Variants in ANKS4B observed in about 807,000 individuals in gnomAD.
ANKS4B encodes the protein ankyrin repeat and SAM domain-containing protein 4B.
A neutral mutation model predicts 20.2 loss-of-function variants in ANKS4B; 21 were observed. The ratio of observed to expected loss-of-function variants is 1.04; its 90% CI spans 0.74 to 1.50. The LOEUF (loss-of-function observed/expected upper bound fraction) is 1.50. Ranked by LOEUF, ANKS4B falls within the 40% of genes most tolerant of loss-of-function variation. ANKS4B has a pLI of 0.00. For missense variants in ANKS4B, 473 were observed against 494.6 expected (o/e 0.96, Z 0.41); for synonymous variants, 179 against 194.5 (o/e 0.92, Z 0.66).
intron 1 of ANKS4B, among the ~76,000 whole-genome samples, chr16:21,248,057 A>C (rs1317706270): frequency 6.6e-6 from 1 of 152,102 alleles, no homozygotes. Flanking sequence ...TGGTTCAGTT[A>C]TTTATTTCCC....
chr16:21,239,208 C>T (rs1486860091), intron 1 of ANKS4B, among the ~76,000 whole-genome samples: 1 of 152,052 alleles, frequency 6.6e-6, no homozygotes, highest in African/African-American at 2.4e-5. Flanking sequence ...ACAATTGCTC[C>T]AAGAGCTAAA....
Position 21,233,817 on chromosome 16 carries a change from T to C in ANKS4B, c.80T>C (p.Leu27Pro), listed in dbSNP as rs755295917. 6.2e-7 allele frequency: 1 copy of C among 1,614,010 alleles called. No individual in the cohort carries two copies. The highest frequency in any genetic ancestry group is 2.2e-5 in the East Asian group (1 of 44,886). Residue 27 changes from leucine (L) to proline (P), a missense_variant, in exon 1 of 2, where the codon CTT (leucine) becomes CCT (proline). Transcript: ENST00000311620. ...GAGGCTACCAAGCGAGATCTAAATC[T>C]TTCGGATGAAGACGGCATGACTCCT... ...LKEATKRDLN[L>P]SDEDGMTPTL...
At chr16:21,247,984 A>G (rs2093334340) in intron 1 of ANKS4B, among the ~76,000 whole-genome samples, 1 of 152,172 alleles carries the variant, frequency 6.6e-6, no homozygotes, top group Non-Finnish European at 1.5e-5. Context: ...TTTGTAACAG[A>G]CACTGTTTGC....
At chr16:21,247,719 C>T (rs2093334124) in intron 1 of ANKS4B, among the ~76,000 whole-genome samples, 1 of 152,192 alleles carries the variant, frequency 6.6e-6, no homozygotes, top group Non-Finnish European at 1.5e-5. Flanking sequence ...CTGTTTGTAA[C>T]TCAAGTCCTT....
rs370264980 is a variant in ANKS4B, at chr16:21,236,409, A to G, written c.164+2508A>G. ...CAGATCCAAACTGTATCAACCAGTG[A>G]GTTTGTCCTCCTAGAAGAGGGTTTG... On this transcript the variant is annotated intron_variant, in intron 1 of 1. Coordinates refer to ENST00000311620, the MANE Select transcript of ANKS4B (RefSeq NM_145865.3). Among the ~76,000 whole-genome samples, 23 of 152,238 alleles carry G rather than the reference A, an allele frequency of 1.5e-4. No homozygotes were observed. The East Asian group carries it at 3.3e-3, about 22-fold the overall frequency.
rs1378000458 is a variant in ANKS4B, at chr16:21,253,044, GAAAAA to G, written c.*2226_*2230del. The G allele has an allele frequency of 1.5e-5, 2 of 131,204 alleles. No individual in the cohort carries two copies. Among genetic ancestry groups the G allele is most frequent in the African/African-American group, 2.8e-5 (1 of 35,912 alleles). 8.1% of individuals were successfully genotyped at this position (131,204 alleles called of 1,614,324 possible). On this transcript the variant is annotated 3_prime_UTR_variant, in exon 2 of 2. Coordinates refer to ENST00000311620, the MANE Select transcript of ANKS4B (RefSeq NM_145865.3). ...TCTCAAAAAAAAAAAAAAAAAAAAA[GAAAAA>G]AGAAACTGACAACACTGCTGCTGAC...
At position 21,251,002 on chromosome 16, in the gene ANKS4B, T is replaced by C. The variant is rs1196004445; in HGVS notation, c.*182T>C. On this transcript the variant is annotated 3_prime_UTR_variant, in exon 2 of 2. Transcript: ENST00000311620. ...GGTAGGCTATGCCCATCCAAATAAA[T>C]CTCCATGAGAAACTTGAGGAGACTT... 3 of 719,286 alleles carry C rather than the reference T, an allele frequency of 4.2e-6. No individual in the cohort carries two copies. In the South Asian group the frequency reaches 1.2e-4, roughly 28 times the overall value. 44.6% of individuals were successfully genotyped at this position (719,286 alleles called of 1,614,324 possible).
intron 1 of ANKS4B, among the ~76,000 whole-genome samples, chr16:21,237,550 A>G (rs991545734): frequency 1.3e-5 from 2 of 151,382 alleles, no homozygotes; most frequent in Non-Finnish European, 2.9e-5. Context: ...TTGTTGTTGC[A>G]TCCTATGGCT....
In ANKS4B at chr16:21,250,172, A is replaced by C; in HGVS notation, c.606A>C (p.Lys202Asn). The part of the protein sequence containing the change: ...GTFGSLSKGI[K>N]DTFKIKFKKN... The stretch of plus-strand genomic sequence containing the variant: ...TCGGGTCACTATCTAAGGGCATTAA[A>C]GACACTTTCAAGATCAAGTTCAAGA... The change falls in exon 2 of 2, where the codon AAA (lysine) becomes AAC (asparagine). Residue 202 changes from lysine to asparagine, a missense_variant. Transcript: ENST00000311620. 6.2e-7 allele frequency: 1 copy of C among 1,614,208 alleles called. No homozygotes were observed. Among genetic ancestry groups the C allele is most frequent in the South Asian group, 1.1e-5 (1 of 91,084 alleles).
chr16:21,236,378 A>G (rs543174863), intron 1 of ANKS4B, among the ~76,000 whole-genome samples: 2 of 152,212 alleles, frequency 1.3e-5, no homozygotes, highest in East Asian at 3.9e-4. Context: ...TCCCCACCAA[A>G]TCTCACAGAT....
At chr16:21,243,918 T>C (rs2093329349) in intron 1 of ANKS4B, 1 of 152,080 alleles carries the variant, frequency 6.6e-6, no homozygotes, top group Non-Finnish European at 1.5e-5. Flanking sequence ...GGAAAACCCA[T>C]GAATTGTCTT....
chr16:21,242,067 T>C (rs2093327187), intron 1 of ANKS4B, among the ~76,000 whole-genome samples: 1 of 152,206 alleles, frequency 6.6e-6, no homozygotes. Context: ...AAAAAAACTA[T>C]AGTCATCATG....
At position 21,237,698 on chromosome 16, in the gene ANKS4B, A is replaced by G. The variant is rs1490591742; in HGVS notation, c.164+3797A>G. On this transcript the variant is annotated intron_variant, in intron 1 of 1. Coordinates refer to ENST00000311620, the MANE Select transcript of ANKS4B (RefSeq NM_145865.3). ...ATGACTCAATCGTCTCCTAAAGGCC[A>G]CACTGCTTAACGCTGTTACATTGAC... Among the ~76,000 whole-genome samples the G allele has an allele frequency of 4.6e-5, 7 of 152,176 alleles. No individual in the cohort carries two copies. The East Asian group carries it at 1.3e-3, about 29-fold the overall frequency.
chr16:21,236,571 T>C (rs1288027681), intron 1 of ANKS4B, among the ~76,000 whole-genome samples: 1 of 152,144 alleles, frequency 6.6e-6, no homozygotes, highest in African/African-American at 2.4e-5. Context: ...TCTGCTGGTC[T>C]TTATTTATTT....
rs2093331218 is a variant in ANKS4B, at chr16:21,245,508, T to G, written c.165-4223T>G. Among the ~76,000 whole-genome samples the G allele has an allele frequency of 2.0e-5, 3 of 152,010 alleles. No individual in the cohort carries two copies. The South Asian group carries it at 6.2e-4, about 32-fold the overall frequency. Reference sequence around the variant, plus strand: ...TATTTTTTTGAGACAGAGTCTCACTTTGTCACCCAGGCTGGAGTGCGGCGG... The same window carrying G: ...TATTTTTTTGAGACAGAGTCTCACTGTGTCACCCAGGCTGGAGTGCGGCGG... On this transcript the variant is annotated intron_variant, in intron 1 of 1. Transcript: ENST00000311620.
intron 1 of ANKS4B, among the ~76,000 whole-genome samples, chr16:21,247,742 G>C (rs1274497064): frequency 6.6e-6 from 1 of 152,174 alleles, no homozygotes; most frequent in Non-Finnish European, 1.5e-5. Flanking sequence ...AGGAGAGGAG[G>C]GTTTGCTGCC....
Position 21,250,680 on chromosome 16 carries a change from G to A in ANKS4B, c.1114G>A (p.Glu372Lys). 1 of 1,613,716 alleles carries A rather than the reference G, an allele frequency of 6.2e-7. No homozygotes were observed. The highest frequency in any genetic ancestry group is 8.5e-7 in the Non-Finnish European group (1 of 1,179,592). ...PIFKREQIDL[E>K]ALLLCSDEDL... ...CTTCAAGAGAGAGCAGATTGATCTA[G>A]AAGCTCTGCTGCTCTGCTCTGATGA... Residue 372 changes from glutamate (E) to lysine (K), a missense_variant, in exon 2 of 2, where the codon GAA becomes AAA. Coordinates refer to ENST00000311620, the MANE Select transcript of ANKS4B (RefSeq NM_145865.3).
In ANKS4B at chr16:21,251,212, C is replaced by T. The variant is rs1181263886; in HGVS notation, c.*392C>T. The T allele has an allele frequency of 6.0e-6, 1 of 165,872 alleles. No individual in the cohort carries two copies. The highest frequency in any genetic ancestry group is 1.3e-5 in the Non-Finnish European group (1 of 75,184). 10.3% of individuals were successfully genotyped at this position (165,872 alleles called of 1,614,324 possible). On this transcript the variant is annotated 3_prime_UTR_variant, in exon 2 of 2. Coordinates refer to ENST00000311620, the MANE Select transcript of ANKS4B (RefSeq NM_145865.3). ...CAACCTCCTGGGCTCAAATGATCTCCTCCCACCTCAGCCTCCCAAGTAGCT... is the reference window on the plus strand; with the variant it reads ...CAACCTCCTGGGCTCAAATGATCTCTTCCCACCTCAGCCTCCCAAGTAGCT...
intron 1 of ANKS4B, among the ~76,000 whole-genome samples, chr16:21,243,267 G>C (rs1416736883): frequency 6.6e-6 from 1 of 151,940 alleles, no homozygotes; most frequent in Non-Finnish European, 1.5e-5. Context: ...GGAAAAATGG[G>C]TTATTTTAAA....
Sources: gnomAD v4.1 joint callset for allele counts (sites outside exome capture counted in the v4.1 genomes callset) on GRCh38, gnomAD v4.1.1 for gene constraint, MANE v1.5 for transcripts, NCBI Gene and HGNC (gene_info 2026-07-23, HGNC 2026-07-21) for gene names.